The following EML4 variants were observed in gnomAD, a reference collection of about 807,000 sequenced individuals.
EML4 encodes echinoderm microtubule-associated protein-like 4.
EML4 carries 72 observed loss-of-function variants against 129.0 expected under a neutral mutation model. The observed-to-expected ratio is 0.56, with a 90% CI of 0.46 to 0.68. The LOEUF (loss-of-function observed/expected upper bound fraction) is 0.68, where lower values mean the gene tolerates loss of function less well. Among genes scored for constraint, EML4 ranks in the 30% least tolerant of loss-of-function variants. The pLI is 0.00. For missense variants in EML4, 1,363 were observed against 1,190.6 expected (o/e 1.14, Z -2.13); for synonymous variants, 532 against 405.0 (o/e 1.31, Z -3.77).
intron 1 of EML4, among the ~76,000 whole-genome samples, chr2:42,192,096 C>G (rs1290563437): frequency 6.7e-6 from 1 of 149,194 alleles, no homozygotes; most frequent in East Asian, 2.0e-4. Flanking sequence ...CGAGATCAGG[C>G]CATTGCAATA....
At position 42,303,091 on chromosome 2, in the gene EML4, CTT is replaced by C. The variant is rs745420514; in HGVS notation, c.1642-6_1642-5del. On this transcript the variant is annotated splice_polypyrimidine_tract_variant and intron_variant, in intron 14 of 22. Coordinates refer to ENST00000318522, the MANE Select transcript of EML4 (RefSeq NM_019063.5). ...TTAGTATGTATATGGTGACTTTACA[CTT>C]TTTTTTCTAGGTTCCTGATCAGTAT... 6.2e-7 allele frequency: 1 copy of C among 1,612,418 alleles called. No individual in the cohort carries two copies. The highest frequency in any genetic ancestry group is 1.3e-5 in the African/African-American group (1 of 74,818).
chr2:42,196,444 G>C (rs1671900370), intron 1 of EML4, among the ~76,000 whole-genome samples: 1 of 152,146 alleles, frequency 6.6e-6, no homozygotes, highest in Non-Finnish European at 1.5e-5. Flanking sequence ...CTAAAATTTA[G>C]ACTGTCTGAT....
chr2:42,210,331 T>C (rs912681315), intron 1 of EML4, among the ~76,000 whole-genome samples: 2 of 152,138 alleles, frequency 1.3e-5, no homozygotes, highest in East Asian at 1.9e-4. Flanking sequence ...TGTCCCTCTT[T>C]TGGAATTTGT....
rs766959016 is a variant in EML4, at chr2:42,304,472, T to A, written c.1900-12T>A. The A allele has an allele frequency of 6.2e-7, 1 of 1,613,262 alleles. No individual in the cohort carries two copies. Among genetic ancestry groups the A allele is most frequent in the South Asian group, 1.1e-5 (1 of 91,040 alleles). ...TCATGTACTCCCCAACAGCTGTCTG[T>A]CTCTTTTCTAGGAACCAGGACACTG... On this transcript the variant is annotated splice_polypyrimidine_tract_variant and intron_variant, in intron 16 of 22. Transcript: ENST00000318522.
At chr2:42,289,465 T>C (rs1335651691) in intron 11 of EML4, 1 of 116,472 alleles carries the variant, frequency 8.6e-6, no homozygotes, top group African/African-American at 3.0e-5. Flanking sequence ...CCCAGATCTC[T>C]AACAGGTTTA....
At chr2:42,272,653 T>G (rs1421980694) in intron 6 of EML4, among the ~76,000 whole-genome samples, 2 of 152,220 alleles carry the variant, frequency 1.3e-5, no homozygotes, top group African/African-American at 4.8e-5. Context: ...ACTGAAAAAT[T>G]TCTGGTTAAT....
chr2:42,244,094 G>GT (rs898798718), intron 1 of EML4, among the ~76,000 whole-genome samples: 6 of 44,954 alleles, frequency 1.3e-4, no homozygotes, highest in African/African-American at 3.4e-4. Flanking sequence ...TTTTGTTTTT[G>GT]TTTTTTGTTT....
chr2:42,258,155 G>GGTCCCTGGATACA (rs1406819005), intron 3 of EML4, among the ~76,000 whole-genome samples: 1 of 152,078 alleles, frequency 6.6e-6, no homozygotes, highest in Admixed American at 6.6e-5. Flanking sequence ...TTATGATCCA[G>GGTCCCTGGATACA]GGTCCCTGTA....
intron 1 of EML4, among the ~76,000 whole-genome samples, chr2:42,200,586 T>C (rs1025172247): frequency 2.0e-5 from 3 of 152,214 alleles, no homozygotes; most frequent in African/African-American, 7.2e-5. Context: ...GAACTCCCTT[T>C]CTCCAGTTGA....
chr2:42,180,676 T>A (rs1036697490), intron 1 of EML4, among the ~76,000 whole-genome samples: 2 of 152,222 alleles, frequency 1.3e-5, no homozygotes, highest in Non-Finnish European at 2.9e-5. Flanking sequence ...TAGTGTTTAT[T>A]TCCTGTAAGT....
chr2:42,230,726 G>A, intron 1 of EML4, among the ~76,000 whole-genome samples: 1 of 152,210 alleles, frequency 6.6e-6, no homozygotes, highest in Non-Finnish European at 1.5e-5. Context: ...CTTTAACCAG[G>A]TCTTCTCAGC....
At chr2:42,295,571 C>G in intron 13 of EML4, 55 bp downstream of exon 13, 1 of 1,503,514 alleles carries the variant, frequency 6.7e-7, no homozygotes, top group East Asian at 2.3e-5. Flanking sequence ...AGTACTCTTT[C>G]AGTCCCATCT....
At chr2:42,236,958 T>C (rs1270135219) in intron 1 of EML4, among the ~76,000 whole-genome samples, 2 of 152,214 alleles carry the variant, frequency 1.3e-5, no homozygotes. Context: ...TATGTTTCCT[T>C]TTCTATGAGG....
At chr2:42,295,652 C>T in intron 13 of EML4, 136 bp downstream of exon 13, 1 of 652,766 alleles carries the variant, frequency 1.5e-6, no homozygotes, top group Non-Finnish European at 2.5e-6. Context: ...TTGTTTTCAG[C>T]ATTCTTCATA....
At chr2:42,173,429 A>C (rs906132073) in intron 1 of EML4, among the ~76,000 whole-genome samples, 2 of 152,154 alleles carry the variant, frequency 1.3e-5, no homozygotes, top group Non-Finnish European at 2.9e-5. Context: ...AGTTAGCTAG[A>C]GTGTTTTTCA....
At chr2:42,223,893 C>T (rs900920719) in intron 1 of EML4, among the ~76,000 whole-genome samples, 3 of 152,106 alleles carry the variant, frequency 2.0e-5, no homozygotes, top group Admixed American at 6.5e-5. Flanking sequence ...GGTGATTATT[C>T]TGGCCTTTTC....
intron 1 of EML4, among the ~76,000 whole-genome samples, chr2:42,210,500 A>T (rs1033404710): frequency 3.9e-5 from 6 of 152,260 alleles, no homozygotes; most frequent in African/African-American, 1.4e-4. Context: ...TACTTTTCCC[A>T]ACCCCTTTCT....
intron 1 of EML4, among the ~76,000 whole-genome samples, chr2:42,227,884 G>A (rs1674077354): frequency 6.6e-6 from 1 of 151,992 alleles, no homozygotes; most frequent in African/African-American, 2.4e-5. Context: ...AAGGCTTCCG[G>A]TCAACCGCAG....
At chr2:42,292,058 C>G (rs552288821) in intron 11 of EML4, among the ~76,000 whole-genome samples, 1 of 152,224 alleles carries the variant, frequency 6.6e-6, no homozygotes, top group South Asian at 2.1e-4. Flanking sequence ...TTGATAATAG[C>G]CATATTATCT....
Sources: gnomAD v4.1 joint callset for allele counts (sites outside exome capture counted in the v4.1 genomes callset) on GRCh38, gnomAD v4.1.1 for gene constraint, MANE v1.5 for transcripts, NCBI Gene and HGNC (gene_info 2026-07-23, HGNC 2026-07-21) for gene names.